The following NRG3 variants were observed in gnomAD, a reference collection of about 807,000 sequenced individuals.
The protein encoded by NRG3 is pro-neuregulin-3, membrane-bound isoform.
A neutral mutation model predicts 66.9 loss-of-function variants in NRG3; 31 were observed. The observed-to-expected ratio is 0.46, with a 90% CI of 0.35 to 0.63. NRG3 has a LOEUF of 0.63. NRG3 is among the 20% of genes least tolerant of loss of function. NRG3 has a pLI of 0.00. For synonymous variants in NRG3, 393 were observed against 359.4 expected, an observed-to-expected ratio of 1.09 and a Z score of -1.06; for missense variants, 910 against 878.9, an observed-to-expected ratio of 1.04 and a Z score of -0.45.
chr10:82,004,422 A>G (rs985500357), intron 1 of NRG3, among the ~76,000 whole-genome samples: 17 of 152,186 alleles, frequency 1.1e-4, no homozygotes, highest in African/African-American at 3.1e-4. Flanking sequence ...CCTTGAGCAG[A>G]GTGAAGAACT....
chr10:82,292,921 A>G (rs1195812811), intron 1 of NRG3, among the ~76,000 whole-genome samples: 1 of 152,222 alleles, frequency 6.6e-6, no homozygotes, highest in East Asian at 1.9e-4. Context: ...GAGGGTGTCA[A>G]TGTCAACAGC....
chr10:82,627,320 G>A (rs2049500659), intron 2 of NRG3, among the ~76,000 whole-genome samples: 1 of 152,050 alleles, frequency 6.6e-6, no homozygotes, highest in Non-Finnish European at 1.5e-5. Flanking sequence ...TCCATGCCCA[G>A]TAGTAATTTT....
intron 1 of NRG3, among the ~76,000 whole-genome samples, chr10:82,227,054 G>A (rs985416492): frequency 1.3e-5 from 2 of 152,144 alleles, no homozygotes; most frequent in African/African-American, 2.4e-5. Flanking sequence ...CATGTTGGCG[G>A]TATGTATGAC....
At chr10:82,142,693 C>G (rs1291861181) in intron 1 of NRG3, among the ~76,000 whole-genome samples, 3 of 150,664 alleles carry the variant, frequency 2.0e-5, no homozygotes, top group African/African-American at 4.9e-5. Flanking sequence ...CATGGAAGAG[C>G]TGGGGGATGT....
intron 2 of NRG3, among the ~76,000 whole-genome samples, chr10:82,507,926 A>G (rs1590395064): frequency 6.6e-6 from 1 of 152,338 alleles, no homozygotes; most frequent in South Asian, 2.1e-4. Flanking sequence ...ACTGTGACAA[A>G]GGATTTTACT....
intron 1 of NRG3, among the ~76,000 whole-genome samples, chr10:82,063,523 T>TG (rs2064278826): frequency 6.6e-6 from 1 of 151,646 alleles, no homozygotes; most frequent in Non-Finnish European, 1.5e-5. Context: ...TTTTTTTTTT[T>TG]GTCAGATGAA....
At chr10:82,912,991 C>A (rs566023332) in intron 4 of NRG3, among the ~76,000 whole-genome samples, 1 of 152,054 alleles carries the variant, frequency 6.6e-6, no homozygotes, top group Non-Finnish European at 1.5e-5. Flanking sequence ...TTTGGGAGGC[C>A]GAGGCAGGTG....
At chr10:82,818,622 G>C (rs1219845980) in intron 3 of NRG3, among the ~76,000 whole-genome samples, 1 of 152,024 alleles carries the variant, frequency 6.6e-6, no homozygotes, top group Non-Finnish European at 1.5e-5. Flanking sequence ...GGGTGGGGGA[G>C]TCTTTCTTTT....
rs973750613 is a variant in NRG3 at position 82,276,976 on chromosome 10, C to G, written c.824-81763C>G. ...AGTGTCTTATAAACTTTTAGAATTA[C>G]AAAAAAATGTGGTTTTTAATAAAAT... On this transcript the variant is annotated intron_variant, in intron 1 of 8. Coordinates refer to ENST00000372141, the MANE Select transcript of NRG3 (RefSeq NM_001010848.4). Among the ~76,000 whole-genome samples, 4 of 151,898 alleles carry G rather than the reference C, an allele frequency of 2.6e-5. 1 individual carries two copies. The South Asian group carries it at 8.3e-4, about 31-fold the overall frequency.
chr10:82,316,216 T>C (rs962412794), intron 1 of NRG3, among the ~76,000 whole-genome samples: 3 of 152,138 alleles, frequency 2.0e-5, no homozygotes, highest in African/African-American at 7.2e-5. Context: ...TACAACATTA[T>C]TATTAAGAAC....
chr10:81,922,273 T>G (rs1050225554), intron 1 of NRG3, among the ~76,000 whole-genome samples: 4 of 152,216 alleles, frequency 2.6e-5, no homozygotes, highest in African/African-American at 9.6e-5. Context: ...TTTTGTATTA[T>G]TACATGACTT....
chr10:82,826,056 G>A (rs1194622795), intron 3 of NRG3, among the ~76,000 whole-genome samples: 2 of 152,076 alleles, frequency 1.3e-5, no homozygotes, highest in African/African-American at 4.8e-5. Context: ...AGTTCTAAAG[G>A]AAAAAGTGTA....
At chr10:81,886,192 A>G (rs1248583471) in intron 1 of NRG3, among the ~76,000 whole-genome samples, 1 of 152,012 alleles carries the variant, frequency 6.6e-6, no homozygotes, top group Non-Finnish European at 1.5e-5. Context: ...AAAAACAAAA[A>G]CTTCTGACAA....
chr10:82,380,312 A>G (rs892888040), intron 2 of NRG3, among the ~76,000 whole-genome samples: 2 of 152,112 alleles, frequency 1.3e-5, no homozygotes, highest in African/African-American at 4.8e-5. Context: ...AAAAATACGT[A>G]TTACTCTTGA....
chr10:82,716,229 C>G (rs908007159), intron 2 of NRG3, among the ~76,000 whole-genome samples: 1 of 152,078 alleles, frequency 6.6e-6, no homozygotes, highest in African/African-American at 2.4e-5. Context: ...AGAATATTTT[C>G]AGTTTTAATA....
chr10:82,242,705 A>C (rs2077057582), intron 1 of NRG3, among the ~76,000 whole-genome samples: 1 of 152,086 alleles, frequency 6.6e-6, no homozygotes, highest in African/African-American at 2.4e-5. Flanking sequence ...GTGGAGAGAG[A>C]GGGTGGGGGT....
intron 1 of NRG3, among the ~76,000 whole-genome samples, chr10:82,241,170 A>C (rs950130159): frequency 6.6e-6 from 1 of 152,154 alleles, no homozygotes; most frequent in Non-Finnish European, 1.5e-5. Context: ...ACAACATTGC[A>C]TTTGAATTAT....
At chr10:82,175,830 T>C (rs1177669817) in intron 1 of NRG3, among the ~76,000 whole-genome samples, 1 of 152,210 alleles carries the variant, frequency 6.6e-6, no homozygotes, top group Non-Finnish European at 1.5e-5. Flanking sequence ...ACGGATACTA[T>C]TTATTGCCTA....
intron 1 of NRG3, among the ~76,000 whole-genome samples, chr10:82,066,692 A>G (rs933269722): frequency 6.6e-6 from 1 of 152,214 alleles, no homozygotes; most frequent in Admixed American, 6.5e-5. Flanking sequence ...AAGGAAGTCA[A>G]TGCAACATTT....
Sources: allele counts gnomAD v4.1 joint callset (sites outside exome capture counted in the v4.1 genomes callset), GRCh38; gene constraint gnomAD v4.1.1; transcripts MANE v1.5; gene names NCBI Gene and HGNC (gene_info 2026-07-23, HGNC 2026-07-21).